The following PTPRG variants were observed in gnomAD, a reference collection of about 807,000 sequenced individuals.
PTPRG encodes the protein receptor-type tyrosine-protein phosphatase gamma.
A neutral mutation model predicts 165.3 loss-of-function variants in PTPRG; 102 were observed. That is an observed-to-expected ratio of 0.62 (90% confidence interval 0.53 to 0.73). The LOEUF is 0.73. Ranked by LOEUF, PTPRG falls within the 30% of genes least tolerant of loss-of-function variation. The pLI is 0.00. For missense variants in PTPRG, 1,866 were observed against 1,861.4 expected (o/e 1.00, Z -0.05); for synonymous variants, 675 against 669.5 (o/e 1.01, Z -0.13).
chr3:62,165,659 T>G (rs1003423588), intron 7 of PTPRG, among the ~76,000 whole-genome samples: 1 of 152,228 alleles, frequency 6.6e-6, no homozygotes, highest in East Asian at 1.9e-4. Flanking sequence ...TTAGGCTGGT[T>G]GTGAATCCGT....
chr3:61,651,933 C>G lies in PTPRG; in HGVS notation c.85+89561C>G, dbSNP rs539010715. On this transcript the variant is annotated intron_variant, in intron 1 of 29. Transcript: ENST00000474889. The stretch of plus-strand genomic sequence containing the variant: ...GCTGAGGCAGGAGAATCACTTGAAC[C>G]TGGGAGGCTGAGGTTGTAGTGAGTA... 2.0e-5 allele frequency among the ~76,000 whole-genome samples: 3 copies of G among 152,176 alleles called. No homozygotes were observed. In the South Asian group the frequency reaches 6.2e-4, roughly 32 times the overall value.
chr3:61,788,791 A>C lies in PTPRG; in HGVS notation c.190+39809A>C, dbSNP rs370060890. On this transcript the variant is annotated intron_variant, in intron 2 of 29. Transcript: ENST00000474889. ...CTACATGAAAGCAACCATAGACCAT[A>C]CCTTAACAAGTGGTCACTTTTGAGT... Among the ~76,000 whole-genome samples the C allele has an allele frequency of 3.9e-5, 6 of 152,308 alleles. No homozygotes were observed. The East Asian group carries it at 9.6e-4, about 24-fold the overall frequency.
intron 2 of PTPRG, among the ~76,000 whole-genome samples, chr3:61,930,858 C>T (rs1194073276): frequency 2.6e-5 from 4 of 152,082 alleles, no homozygotes; most frequent in African/African-American, 9.7e-5. Flanking sequence ...GTCAGGAGTT[C>T]GAGACCAGCC....
At chr3:62,251,793 G>A (rs540523255) in intron 15 of PTPRG, among the ~76,000 whole-genome samples, 4 of 152,274 alleles carry the variant, frequency 2.6e-5, no homozygotes, top group African/African-American at 9.6e-5. Flanking sequence ...TACAGTCTTT[G>A]GGTTCAATGG....
intron 8 of PTPRG, among the ~76,000 whole-genome samples, chr3:62,189,975 C>G (rs899082984): frequency 6.6e-6 from 1 of 152,150 alleles, no homozygotes; most frequent in Non-Finnish European, 1.5e-5. Flanking sequence ...TCCATAAGCT[C>G]TCAGCTCTCA....
chr3:61,812,817 C>A lies in PTPRG; in HGVS notation c.190+63835C>A, dbSNP rs367748530. Among the ~76,000 whole-genome samples the A allele has an allele frequency of 3.4e-4, 52 of 152,266 alleles. 1 individual carries two copies. In the Middle Eastern group the frequency reaches 0.027, roughly 80 times the overall value. On this transcript the variant is annotated intron_variant, in intron 2 of 29. Coordinates refer to ENST00000474889, the MANE Select transcript of PTPRG (RefSeq NM_002841.4). Reference sequence around the variant, plus strand: ...GTGTGGGAAGTGATAGAGGGCATTGCGGCAGAGAAAAACCCTGTGAACAAC... The same window carrying A: ...GTGTGGGAAGTGATAGAGGGCATTGAGGCAGAGAAAAACCCTGTGAACAAC...
intron 1 of PTPRG, among the ~76,000 whole-genome samples, chr3:61,731,295 A>G (rs1372875463): frequency 6.6e-6 from 1 of 151,860 alleles, no homozygotes; most frequent in East Asian, 1.9e-4. Flanking sequence ...GGGGACAGGA[A>G]CATTAGTAGG....
chr3:61,939,142 G>T (rs1464788401), intron 2 of PTPRG, among the ~76,000 whole-genome samples: 1 of 152,182 alleles, frequency 6.6e-6, no homozygotes, highest in Non-Finnish European at 1.5e-5. Flanking sequence ...CAAACTGGCA[G>T]TCACACTTGT....
intron 2 of PTPRG, among the ~76,000 whole-genome samples, chr3:61,962,338 A>G (rs920769836): frequency 6.6e-6 from 1 of 152,232 alleles, no homozygotes; most frequent in Non-Finnish European, 1.5e-5. Flanking sequence ...GGTGGTAGTC[A>G]GGTAGTCAGG....
At chr3:62,065,134 T>A (rs1452601047) in intron 4 of PTPRG, among the ~76,000 whole-genome samples, 2 of 152,114 alleles carry the variant, frequency 1.3e-5, no homozygotes, top group Non-Finnish European at 2.9e-5. Flanking sequence ...AAAATTGGTA[T>A]TCTCCTGCAC....
At chr3:61,645,430 G>C (rs1702173414) in intron 1 of PTPRG, among the ~76,000 whole-genome samples, 1 of 152,230 alleles carries the variant, frequency 6.6e-6, no homozygotes, top group Non-Finnish European at 1.5e-5. Context: ...CTTGCAGCTA[G>C]TGTGTGGGCA....
intron 13 of PTPRG, among the ~76,000 whole-genome samples, chr3:62,230,244 G>T (rs1170857837): frequency 6.6e-6 from 1 of 152,134 alleles, no homozygotes; most frequent in Non-Finnish European, 1.5e-5. Context: ...TGTATTAAGG[G>T]TGAAGAAAAC....
intron 2 of PTPRG, among the ~76,000 whole-genome samples, chr3:61,985,309 C>A (rs1294648406): frequency 1.3e-5 from 2 of 152,154 alleles, no homozygotes; most frequent in Non-Finnish European, 2.9e-5. Flanking sequence ...CCCTCCTCTC[C>A]CTTTGCATGC....
At chr3:61,823,658 A>C (rs895887077) in intron 2 of PTPRG, among the ~76,000 whole-genome samples, 8 of 152,152 alleles carry the variant, frequency 5.3e-5, no homozygotes, top group African/African-American at 1.9e-4. Flanking sequence ...ATATTTTTTA[A>C]TTTTGTAGAC....
intron 1 of PTPRG, among the ~76,000 whole-genome samples, chr3:61,638,699 A>T (rs1282290180): frequency 6.7e-6 from 1 of 148,690 alleles, no homozygotes; most frequent in African/African-American, 2.5e-5. Context: ...TGACCTCCCA[A>T]AGTGCTGGGA....
chr3:61,746,518 T>G (rs1250147454), intron 1 of PTPRG, among the ~76,000 whole-genome samples: 1 of 152,058 alleles, frequency 6.6e-6, no homozygotes, highest in Admixed American at 6.5e-5. Context: ...CAGAATTGAT[T>G]TTTTGGTCCC....
At chr3:61,989,010 C>T (rs1054684779) in intron 2 of PTPRG, among the ~76,000 whole-genome samples, 1 of 152,166 alleles carries the variant, frequency 6.6e-6, no homozygotes, top group African/African-American at 2.4e-5. Flanking sequence ...TTTATACCTG[C>T]ATTTTCTACG....
At position 61,562,318 on chromosome 3, in the gene PTPRG, AT is replaced by A; in HGVS notation, c.35del (p.Leu12CysfsTer3). 1.2e-6 allele frequency: 2 copies of A among 1,613,496 alleles called. No individual in the cohort carries two copies. The highest frequency in any genetic ancestry group is 1.7e-6 in the Non-Finnish European group (2 of 1,179,660). On this transcript the variant is annotated frameshift_variant, in exon 1 of 30. Coordinates refer to ENST00000474889, the MANE Select transcript of PTPRG (RefSeq NM_002841.4). LOFTEE classifies it high-confidence loss of function. MRRLLEPCWW[I>X]LFLKITSSVL... is the part of the protein sequence containing the mutation. ...GAGGTTACTGGAACCGTGTTGGTGG[AT>A]TTTGTTCCTGAAAATCACCAGTTCC...
At chr3:61,756,624 T>C (rs2033643268) in intron 2 of PTPRG, among the ~76,000 whole-genome samples, 1 of 152,220 alleles carries the variant, frequency 6.6e-6, no homozygotes, top group Non-Finnish European at 1.5e-5. Flanking sequence ...ATTTTCTCTG[T>C]GGAGGTGGTT....
Sources: allele counts gnomAD v4.1 joint callset (sites outside exome capture counted in the v4.1 genomes callset), GRCh38; gene constraint gnomAD v4.1.1; transcripts MANE v1.5; gene names NCBI Gene and HGNC (gene_info 2026-07-23, HGNC 2026-07-21).